Variants in CCDC171 observed in about 807,000 individuals in gnomAD.
CCDC171 encodes the protein coiled-coil domain-containing protein 171.
In CCDC171, 177 loss-of-function variants were observed where a neutral mutation model predicts 168.2. The ratio of observed to expected loss-of-function variants is 1.05; its 90% confidence interval spans 0.93 to 1.19. The LOEUF is 1.19. Among genes scored for constraint, CCDC171 ranks in the 50% most tolerant of loss-of-function variants. The pLI, the probability that CCDC171 is intolerant of heterozygous loss-of-function variation, is 0.00. For synonymous variants in CCDC171, 687 were observed against 540.8 expected (o/e 1.27, Z -3.75); for missense variants, 1,991 against 1,539.0 (o/e 1.29, Z -4.91).
the CCDC171 span, among the ~76,000 whole-genome samples, chr9:16,099,980 C>A: frequency 6.6e-6 from 1 of 150,684 alleles, no homozygotes; most frequent in Admixed American, 6.6e-5. Context: ...GAAACCAACG[C>A]TGTATGGAGA....
chr9:16,085,280 G>A, the CCDC171 span, among the ~76,000 whole-genome samples: 1 of 152,258 alleles, frequency 6.6e-6, no homozygotes, highest in Non-Finnish European at 1.5e-5. Flanking sequence ...ATTATAAGCA[G>A]TAATGTTTTA....
intron 6 of CCDC171, among the ~76,000 whole-genome samples, chr9:15,602,632 CTTTTTTTTTTTTTTCTTTTT>C (rs2042938478): frequency 3.2e-5 from 1 of 31,002 alleles, no homozygotes; most frequent in African/African-American, 9.7e-5. Flanking sequence ...TTTCTCATTT[CTTTTTTTTTTTTTTCTTTTT>C]TTTTTTTTTT....
chr9:15,867,663 A>G (rs185196741), intron 23 of CCDC171, among the ~76,000 whole-genome samples: 165 of 152,220 alleles, frequency 1.1e-3, no homozygotes, highest in African/African-American at 3.7e-3. Flanking sequence ...GAGGGATTTT[A>G]AAACCTTGAC....
At chr9:15,663,920 T>C (rs1482036175) in intron 8 of CCDC171, among the ~76,000 whole-genome samples, 1 of 152,158 alleles carries the variant, frequency 6.6e-6, no homozygotes, top group Non-Finnish European at 1.5e-5. Flanking sequence ...ATTTTCTTTT[T>C]AGTAGTTGTT....
At chr9:15,667,188 C>T (rs911491812) in intron 9 of CCDC171, among the ~76,000 whole-genome samples, 1 of 152,078 alleles carries the variant, frequency 6.6e-6, no homozygotes, top group African/African-American at 2.4e-5. Context: ...CAATAGTAGA[C>T]ATTTTAAACC....
At chr9:15,651,023 T>C (rs1377598332) in intron 7 of CCDC171, among the ~76,000 whole-genome samples, 1 of 152,172 alleles carries the variant, frequency 6.6e-6, no homozygotes, top group Non-Finnish European at 1.5e-5. Flanking sequence ...CCTGACACCC[T>C]TTCCAGCCTC....
chr9:15,658,304 C>T (rs746653660), intron 8 of CCDC171, among the ~76,000 whole-genome samples: 4 of 152,076 alleles, frequency 2.6e-5, no homozygotes, highest in Non-Finnish European at 4.4e-5. Context: ...GCTTTTGGGA[C>T]AGACAGATAT....
intron 6 of CCDC171, among the ~76,000 whole-genome samples, chr9:16,029,486 G>A (rs938446149): frequency 1.3e-5 from 2 of 152,192 alleles, no homozygotes; most frequent in East Asian, 3.9e-4. Context: ...CTGGGCTCAC[G>A]GGAAAAGATC....
At chr9:16,076,060 G>A in the CCDC171 span, among the ~76,000 whole-genome samples, 1 of 152,222 alleles carries the variant, frequency 6.6e-6, no homozygotes, top group African/African-American at 2.4e-5. Flanking sequence ...CCAATGCAGA[G>A]GGTCTGTGGA....
intron 24 of CCDC171, among the ~76,000 whole-genome samples, chr9:15,908,638 AAAAGTT>A (rs1419702538): frequency 1.3e-5 from 2 of 152,234 alleles, no homozygotes; most frequent in Non-Finnish European, 2.9e-5. Context: ...CCTGTACCCT[AAAAGTT>A]AAAGTATAAA....
At chr9:15,648,261 G>A (rs2047209371) in intron 7 of CCDC171, among the ~76,000 whole-genome samples, 1 of 152,110 alleles carries the variant, frequency 6.6e-6, no homozygotes, top group Non-Finnish European at 1.5e-5. Context: ...AATAATAAGA[G>A]CTATCTGTGA....
At chr9:15,856,480 G>T (rs1252188712) in intron 23 of CCDC171, among the ~76,000 whole-genome samples, 2 of 151,866 alleles carry the variant, frequency 1.3e-5, no homozygotes, top group African/African-American at 2.4e-5. Context: ...TGTCCTCAAG[G>T]TTCATCCATT....
In CCDC171 at chr9:16,027,405, GCTGGGTGGAGGGCGTCTCCACCA is replaced by G. The variant is rs1349587910; in HGVS notation, n.998+4500_998+4522del. On this transcript the variant is annotated intron_variant and non_coding_transcript_variant, in intron 6 of 9. Transcript: ENST00000486641. Reference sequence around the variant, plus strand: ...ATGACTGCAGAGAGGCACTGATACAGCTGGGTGGAGGGCGTCTCCACCACTCAAGTCAGTCTCAAAACTATGCT... The same window carrying G: ...ATGACTGCAGAGAGGCACTGATACAGCTCAAGTCAGTCTCAAAACTATGCT... 2.0e-5 allele frequency among the ~76,000 whole-genome samples: 3 copies of G among 152,102 alleles called. No homozygotes were observed. In the East Asian group the frequency reaches 5.8e-4, roughly 29 times the overall value.
At chr9:15,770,473 C>T (rs1173555119) in intron 18 of CCDC171, among the ~76,000 whole-genome samples, 2 of 152,098 alleles carry the variant, frequency 1.3e-5, no homozygotes, top group Admixed American at 6.5e-5. Context: ...TAGGTTCCAC[C>T]AGACTGCCAA....
the CCDC171 span, among the ~76,000 whole-genome samples, chr9:16,101,048 G>T: frequency 5.9e-5 from 9 of 152,236 alleles, no homozygotes; most frequent in African/African-American, 2.2e-4. Flanking sequence ...GGCTGAAGGA[G>T]CTAGGAGGGA....
At chr9:15,865,602 A>G (rs1588913770) in intron 23 of CCDC171, among the ~76,000 whole-genome samples, 3 of 151,944 alleles carry the variant, frequency 2.0e-5, no homozygotes, top group African/African-American at 7.3e-5. Context: ...AATAGTAAAT[A>G]TATTTTCTCT....
At chr9:15,758,408 T>A (rs2135026442) in intron 18 of CCDC171, among the ~76,000 whole-genome samples, 1 of 152,338 alleles carries the variant, frequency 6.6e-6, no homozygotes, top group African/African-American at 2.4e-5. Context: ...ATGGCTGTAT[T>A]TACCCAATGC....
intron 25 of CCDC171, among the ~76,000 whole-genome samples, chr9:15,942,766 TAAG>T (rs1827873829): frequency 6.6e-6 from 1 of 151,862 alleles, no homozygotes; most frequent in African/African-American, 2.4e-5. Context: ...TCCATATCCT[TAAG>T]AAGAAAATAC....
In CCDC171 at chr9:15,744,480, G is replaced by T; in HGVS notation, c.2257G>T (p.Asp753Tyr). 6.2e-7 allele frequency: 1 copy of T among 1,614,194 alleles called. No homozygotes were observed. The highest frequency in any genetic ancestry group is 8.5e-7 in the Non-Finnish European group (1 of 1,180,028). Residue 753 changes from aspartate to tyrosine, a missense_variant, in exon 17 of 26, where the codon GAT becomes TAT. Transcript: ENST00000380701. ...SRSCALSTQR[D>Y]FLQEQVNTFE... ...ATCATGCGCCTTGTCTACACAGAGA[G>T]ATTTTCTCCAGGAGCAGGTCAACAC...
Sources: allele counts gnomAD v4.1 joint callset (sites outside exome capture counted in the v4.1 genomes callset), GRCh38; gene constraint gnomAD v4.1.1; transcripts MANE v1.5; gene names NCBI Gene and HGNC (gene_info 2026-07-23, HGNC 2026-07-21).